The following GPHN variants were observed in gnomAD, a reference collection of about 807,000 sequenced individuals.
GPHN encodes gephyrin.
GPHN carries 17 observed loss-of-function variants against 95.5 expected under a neutral mutation model. The ratio of observed to expected loss-of-function variants is 0.18; its 90% CI spans 0.12 to 0.27. The LOEUF is 0.27. Among genes scored for constraint, GPHN ranks in the 10% least tolerant of loss-of-function variants. The probability of loss-of-function intolerance (pLI) is 1.00; values close to 1 mark genes in which losing one functional copy is unlikely to be tolerated. For missense variants in GPHN, 660 were observed against 978.1 expected, an observed-to-expected ratio of 0.67 and a Z score of 4.34; for synonymous variants, 320 against 322.5, an observed-to-expected ratio of 0.99 and a Z score of 0.08.
chr14:67,135,038 C>T (rs1279801259), intron 17 of GPHN, among the ~76,000 whole-genome samples: 1 of 136,118 alleles, frequency 7.3e-6, no homozygotes. Context: ...CAGCTTACTG[C>T]AACCTCCATC....
chr14:66,987,494 CAT>C (rs963866861), intron 9 of GPHN, among the ~76,000 whole-genome samples: 1 of 151,864 alleles, frequency 6.6e-6, no homozygotes, highest in Non-Finnish European at 1.5e-5. Flanking sequence ...TGTATATACA[CAT>C]ATATATGTTT....
chr14:67,635,085 A>G, the GPHN span, among the ~76,000 whole-genome samples: 1 of 152,118 alleles, frequency 6.6e-6, no homozygotes, highest in African/African-American at 2.4e-5. Flanking sequence ...TCTCTACAAA[A>G]AAATATAAAT....
chr14:67,534,349 CAGG>C, the GPHN span, among the ~76,000 whole-genome samples: 39 of 152,248 alleles, frequency 2.6e-4, no homozygotes, highest in African/African-American at 7.9e-4. Context: ...GAAGCCAAGG[CAGG>C]AGGAGAGCTT....
At chr14:67,279,582 T>C in the GPHN span, 8 of 1,482,666 alleles carry the variant, frequency 5.4e-6, no homozygotes, top group Non-Finnish European at 7.2e-6. Context: ...TGCTTTAATT[T>C]ATCTGTGCCT....
At chr14:67,179,908 A>G (rs1303042862) in intron 22 of GPHN, among the ~76,000 whole-genome samples, 3 of 152,252 alleles carry the variant, frequency 2.0e-5, no homozygotes, top group Admixed American at 6.5e-5. Flanking sequence ...GAATGTCCAC[A>G]TATCATTGAC....
the GPHN span, chr14:67,562,851 G>A: frequency 1.2e-6 from 2 of 1,613,470 alleles, no homozygotes; most frequent in South Asian, 2.2e-5. Context: ...GTGGAGCTGG[G>A]TAACAAGCCA....
intron 9 of GPHN, among the ~76,000 whole-genome samples, chr14:67,009,486 TAAAAC>T (rs1291298533): frequency 6.6e-6 from 1 of 152,084 alleles, no homozygotes; most frequent in African/African-American, 2.4e-5. Flanking sequence ...CAGCTTGAGT[TAAAAC>T]ATAACGTTAA....
chr14:67,032,042 C>A (rs1340810019), intron 10 of GPHN, among the ~76,000 whole-genome samples: 1 of 152,062 alleles, frequency 6.6e-6, no homozygotes, highest in Non-Finnish European at 1.5e-5. Context: ...GTTGCAATAC[C>A]CCCAAGCTGG....
chr14:66,895,821 GA>G (rs2064815052), intron 5 of GPHN, among the ~76,000 whole-genome samples: 1 of 152,158 alleles, frequency 6.6e-6, no homozygotes, highest in South Asian at 2.1e-4. Flanking sequence ...ATACAGGAGG[GA>G]AAAGAGAGCA....
chr14:67,057,353 C>T (rs1404212490), intron 10 of GPHN, among the ~76,000 whole-genome samples: 1 of 150,734 alleles, frequency 6.6e-6, no homozygotes, highest in Non-Finnish European at 1.5e-5. Flanking sequence ...GAAAACCAAA[C>T]ACTGCATGTT....
intron 10 of GPHN, among the ~76,000 whole-genome samples, chr14:67,048,090 A>G (rs2075126914): frequency 6.6e-6 from 1 of 152,256 alleles, no homozygotes; most frequent in Non-Finnish European, 1.5e-5. Context: ...AAGGTTACTG[A>G]TAGATAACAA....
the GPHN span, among the ~76,000 whole-genome samples, chr14:67,251,298 C>T: frequency 2.0e-3 from 310 of 152,190 alleles, no homozygotes; most frequent in African/African-American, 7.0e-3. Flanking sequence ...TTTTGGAGGC[C>T]GAGGCAGGAG....
chr14:66,907,268 G>A (rs1170864940), intron 5 of GPHN, among the ~76,000 whole-genome samples: 1 of 152,090 alleles, frequency 6.6e-6, no homozygotes, highest in East Asian at 1.9e-4. Context: ...GAGCCATCAA[G>A]CAACCAAAAA....
At chr14:67,627,485 A>G in the GPHN span, among the ~76,000 whole-genome samples, 3 of 152,256 alleles carry the variant, frequency 2.0e-5, no homozygotes, top group Admixed American at 2.0e-4. Flanking sequence ...AAGAGATGAA[A>G]CTGGCATCTC....
intron 1 of GPHN, among the ~76,000 whole-genome samples, chr14:66,572,885 C>G (rs890099693): frequency 2.6e-5 from 4 of 152,174 alleles, no homozygotes; most frequent in Non-Finnish European, 4.4e-5. Context: ...ATGATGTTAG[C>G]TGCACACTTT....
chr14:67,388,668 T>C, the GPHN span, among the ~76,000 whole-genome samples: 7 of 152,270 alleles, frequency 4.6e-5, no homozygotes, highest in African/African-American at 7.2e-5. Context: ...ATCAGAAATA[T>C]ATATTTATAG....
chr14:67,493,482 G>A, the GPHN span, among the ~76,000 whole-genome samples: 15 of 152,178 alleles, frequency 9.9e-5, no homozygotes, highest in Admixed American at 3.9e-4. Context: ...GTGTGCTCTC[G>A]TGATCGTAAC....
intron 3 of GPHN, among the ~76,000 whole-genome samples, chr14:66,788,005 TA>T (rs2059841445): frequency 6.6e-6 from 1 of 151,902 alleles, no homozygotes; most frequent in Admixed American, 6.6e-5. Context: ...CTCATCAACA[TA>T]AAAAAATTTT....
At chr14:67,183,830 C>A (rs1308982746), downstream of GPHN, among the ~76,000 whole-genome samples, 4 of 151,438 alleles carry the variant, frequency 2.6e-5, no homozygotes, top group African/African-American at 9.7e-5. Flanking sequence ...GCGTGAGCCA[C>A]CGTGCCCCAC....
Sources: gnomAD v4.1 joint callset for allele counts (sites outside exome capture counted in the v4.1 genomes callset) on GRCh38, gnomAD v4.1.1 for gene constraint, MANE v1.5 for transcripts, NCBI Gene and HGNC (gene_info 2026-07-23, HGNC 2026-07-21) for gene names.